Variants in RASSF8 observed in about 807,000 individuals in gnomAD.
RASSF8 encodes the protein Ras association domain family member 8, also known as ras association domain-containing protein 8.
In RASSF8, 22 loss-of-function variants were observed where a neutral mutation model predicts 48.5. The ratio of observed to expected loss-of-function variants is 0.45; its 90% CI spans 0.32 to 0.65. The LOEUF is 0.65. Among genes scored for constraint, RASSF8 ranks in the 30% least tolerant of loss-of-function variants. The pLI is 0.03. For missense variants in RASSF8, 418 were observed against 489.2 expected, an observed-to-expected ratio of 0.85 and a Z score of 1.37; for synonymous variants, 127 against 171.5, an observed-to-expected ratio of 0.74 and a Z score of 2.03.
intron 1 of RASSF8, among the ~76,000 whole-genome samples, chr12:25,989,361 G>C (rs1831571324): frequency 6.6e-6 from 1 of 152,078 alleles, no homozygotes. Flanking sequence ...TTAATCTATA[G>C]GCATTTAACA....
chr12:26,003,864 T>C (rs1472365051), intron 2 of RASSF8, among the ~76,000 whole-genome samples: 1 of 152,118 alleles, frequency 6.6e-6, no homozygotes, highest in Admixed American at 6.6e-5. Flanking sequence ...TAGTAAAAAA[T>C]ACATTTTCCA....
chr12:26,075,303 G>A (rs1944062416), downstream of RASSF8, among the ~76,000 whole-genome samples: 1 of 152,178 alleles, frequency 6.6e-6, no homozygotes, highest in South Asian at 2.1e-4. Flanking sequence ...TTGTGCTGTT[G>A]GGCAAGGGGT....
chr12:25,992,550 T>C (rs1391288889), intron 1 of RASSF8, among the ~76,000 whole-genome samples: 1 of 152,100 alleles, frequency 6.6e-6, no homozygotes, highest in Admixed American at 6.5e-5. Context: ...TGAGATCATA[T>C]TTGAGTGGAG....
At chr12:25,972,820 A>G (rs1941513248) in intron 1 of RASSF8, among the ~76,000 whole-genome samples, 1 of 152,250 alleles carries the variant, frequency 6.6e-6, no homozygotes, top group Non-Finnish European at 1.5e-5. Context: ...GAACAAATCC[A>G]TGCATCAAGT....
Position 26,024,057 on chromosome 12 carries a change from TG to T in RASSF8, c.-109+28931del, listed in dbSNP as rs1942849199. 2.0e-5 allele frequency among the ~76,000 whole-genome samples: 3 copies of T among 152,256 alleles called. No individual in the cohort carries two copies. The South Asian group carries it at 6.2e-4, about 32-fold the overall frequency. On this transcript the variant is annotated intron_variant, in intron 2 of 5. Transcript: ENST00000689635. Reference sequence around the variant, plus strand: ...AAGTAATAAGTGTAATGGCTTATTTTGGGGTTTGTAAGGTACATAGATATTG... The same window carrying T: ...AAGTAATAAGTGTAATGGCTTATTTTGGGTTTGTAAGGTACATAGATATTG...
At chr12:26,066,014 A>T (rs1413798964) in intron 4 of RASSF8, among the ~76,000 whole-genome samples, 1 of 152,250 alleles carries the variant, frequency 6.6e-6, no homozygotes, top group Non-Finnish European at 1.5e-5. Context: ...GCAAAGATGT[A>T]TCAAACAGTC....
At chr12:25,962,230 C>T (rs536344703) in intron 1 of RASSF8, among the ~76,000 whole-genome samples, 2 of 152,324 alleles carry the variant, frequency 1.3e-5, no homozygotes, top group East Asian at 3.9e-4. Flanking sequence ...CTCCAGCAGA[C>T]TAGCCTCAGG....
intron 2 of RASSF8, among the ~76,000 whole-genome samples, chr12:26,008,609 T>C (rs1942449708): frequency 6.6e-6 from 1 of 152,228 alleles, no homozygotes; most frequent in Non-Finnish European, 1.5e-5. Flanking sequence ...GAAGTAGAAA[T>C]ATAGTGATTT....
intron 2 of RASSF8, among the ~76,000 whole-genome samples, chr12:26,050,677 GTTAAAA>G (rs1197462896): frequency 2.0e-5 from 3 of 152,152 alleles, no homozygotes. Flanking sequence ...TAAGACAGGA[GTTAAAA>G]TTAATGTGTA....
chr12:26,057,092 T>C (rs556383828), intron 3 of RASSF8, among the ~76,000 whole-genome samples: 32 of 95,246 alleles, frequency 3.4e-4, no homozygotes, highest in Non-Finnish European at 5.8e-4. Flanking sequence ...CTGTCCATAA[T>C]GACACTTTTG....
intron 1 of RASSF8, among the ~76,000 whole-genome samples, chr12:25,983,375 C>G (rs1041047753): frequency 3.9e-5 from 6 of 152,188 alleles, no homozygotes; most frequent in African/African-American, 1.4e-4. Context: ...TAGTTCTGAG[C>G]TTTTTGACTG....
In RASSF8 at chr12:26,069,946, T is replaced by A. The variant is rs1163569479; in HGVS notation, c.*1128T>A. Reference sequence around the variant, plus strand: ...TATGTTTTTATTTTTAGGCTTGACTTTTACAAGACATTAATCTCCATTTGT... The same window carrying A: ...TATGTTTTTATTTTTAGGCTTGACTATTACAAGACATTAATCTCCATTTGT... On this transcript the variant is annotated 3_prime_UTR_variant, in exon 6 of 6. Transcript: ENST00000689635. 1.0e-6 allele frequency: 1 copy of A among 978,802 alleles called. No individual in the cohort carries two copies. The highest frequency in any genetic ancestry group is 6.2e-5 in the Admixed American group (1 of 16,252). The allele number at this position is 978,802 out of a possible 1,614,324, so 60.6% of individuals were successfully genotyped here.
chr12:25,965,484 C>G (rs969979717), intron 1 of RASSF8, among the ~76,000 whole-genome samples: 1 of 150,942 alleles, frequency 6.6e-6, no homozygotes, highest in African/African-American at 2.4e-5. Flanking sequence ...GCCTCAGCTT[C>G]CCGAGTAGCT....
intron 3 of RASSF8, among the ~76,000 whole-genome samples, chr12:26,055,830 T>C (rs1943589944): frequency 6.6e-6 from 1 of 152,182 alleles, no homozygotes; most frequent in African/African-American, 2.4e-5. Context: ...CTCCATACTT[T>C]CAGAAAATAC....
Position 26,078,897 on chromosome 12 carries a change from C to CA in RASSF8, c.1139-127dup, listed in dbSNP as rs572881699. 2.4e-3 allele frequency: 1,521 copies of CA among 643,986 alleles called. 1 individual carries two copies. Among genetic ancestry groups the CA allele is most frequent in the African/African-American group, 7.8e-3 (409 of 52,318 alleles). The allele number at this position is 643,986 out of a possible 1,614,324, so 39.9% of individuals were successfully genotyped here. A position where few individuals can be genotyped will look rare whatever the true frequency, so the allele number is the denominator to read the frequency against. ...TAAATGAATATTTCTAGAAGGTTCT[C>CA]AAAAAAAAAGGCGCTAACCGAAAAG... On this transcript the variant is annotated intron_variant, in intron 5 of 5. Transcript: ENST00000381352.
chr12:25,962,134 A>G (rs1215329658), intron 1 of RASSF8, among the ~76,000 whole-genome samples: 2 of 152,146 alleles, frequency 1.3e-5, no homozygotes, highest in Non-Finnish European at 2.9e-5. Context: ...TTGGGATAAG[A>G]TACCAAATCC....
At chr12:26,052,945 A>C (rs1406667627) in intron 2 of RASSF8, 2 of 152,236 alleles carry the variant, frequency 1.3e-5, no homozygotes, top group African/African-American at 4.8e-5. Flanking sequence ...AAAAAGGAAT[A>C]TAAAACGTCT....
In RASSF8 at chr12:25,983,857, A is replaced by G. The variant is rs539533625; in HGVS notation, c.-202-11180A>G. ...GCAGTCAGTGTGGCTGCTGCCCATA[A>G]ACAGCGAGCCTCAACCCATACCCGT... On this transcript the variant is annotated intron_variant, in intron 1 of 5. Coordinates refer to ENST00000689635, the MANE Select transcript of RASSF8 (RefSeq NM_001394098.1). Among the ~76,000 whole-genome samples, 130 of 152,220 alleles carry G rather than the reference A, an allele frequency of 8.5e-4. 1 individual carries two copies. The East Asian group carries it at 0.021, about 24-fold the overall frequency.
At chr12:26,040,413 G>A (rs1028701813) in intron 2 of RASSF8, among the ~76,000 whole-genome samples, 6 of 152,192 alleles carry the variant, frequency 3.9e-5, no homozygotes, top group Non-Finnish European at 5.9e-5. Flanking sequence ...AATAGTGGCC[G>A]AGGGGAGTGG....
Sources: gnomAD v4.1 joint callset for allele counts (sites outside exome capture counted in the v4.1 genomes callset) on GRCh38, gnomAD v4.1.1 for gene constraint, MANE v1.5 for transcripts, NCBI Gene and HGNC (gene_info 2026-07-23, HGNC 2026-07-21) for gene names.